The following CCL15 variants were observed in gnomAD, a reference collection of about 807,000 sequenced individuals.
CCL15 encodes C-C motif chemokine ligand 15.
In CCL15, 8 loss-of-function variants were observed where a neutral mutation model predicts 10.6. The observed-to-expected ratio is 0.75, with a 90% CI of 0.44 to 1.36. CCL15 has a LOEUF of 1.36. CCL15 is among the 40% of genes most tolerant of loss of function. The pLI is 0.00. For missense variants in CCL15, 128 were observed against 136.6 expected, an observed-to-expected ratio of 0.94 and a Z score of 0.32; for synonymous variants, 51 against 48.8, an observed-to-expected ratio of 1.04 and a Z score of -0.19.
At chr17:35,998,730 A>G (rs2089949247) in intron 2 of CCL15, 136 bp downstream of exon 2, 1 of 758,276 alleles carries the variant, frequency 1.3e-6, no homozygotes, top group Admixed American at 2.1e-5. Flanking sequence ...CCCTGTCCTG[A>G]TCTCCCTTGG....
chr17:35,999,474 T>C (rs2089962999), intron 1 of CCL15, among the ~76,000 whole-genome samples: 1 of 152,050 alleles, frequency 6.6e-6, no homozygotes, highest in South Asian at 2.1e-4. Flanking sequence ...TTTTTTTTTT[T>C]TTTAATTGAG....
rs192991817 is a variant in CCL15 at position 36,001,275 on chromosome 17, G to A, written c.76+142C>T. 956 of 1,075,628 alleles carry A rather than the reference G, an allele frequency of 8.9e-4. 3 individuals are homozygous for A. Among genetic ancestry groups the A allele is most frequent in the African/African-American group, 3.5e-3 (222 of 63,686 alleles). The allele number at this position is 1,075,628 out of a possible 1,614,324, so 66.6% of individuals were successfully genotyped here. A position where few individuals can be genotyped will look rare whatever the true frequency, so the allele number is the denominator to read the frequency against. On this transcript the variant is annotated intron_variant, in intron 1 of 3. Transcript: ENST00000617897. ...CGCCAGGGTCCAAAGGCTGCAGACAGAGCCAGGTCTATACCCTGCTGGTGC... is the reference window on the plus strand; with the variant it reads ...CGCCAGGGTCCAAAGGCTGCAGACAAAGCCAGGTCTATACCCTGCTGGTGC...
Position 36,000,398 on chromosome 17 carries a change from G to A in CCL15, c.76+1019C>T, listed in dbSNP as rs575941410. The stretch of plus-strand genomic sequence containing the variant: ...TAATTCATTGAACCTGGTAGGCAGA[G>A]CTTTCAGTGATCCGAGATCGCACCA... On this transcript the variant is annotated intron_variant, in intron 1 of 3. Transcript: ENST00000617897. Among the ~76,000 whole-genome samples, 17 of 145,332 alleles carry A rather than the reference G, an allele frequency of 1.2e-4. 1 individual carries two copies. In the South Asian group the frequency reaches 3.3e-3, roughly 28 times the overall value.
At chr17:35,997,954 A>T (rs1568468139) in intron 3 of CCL15, 94 bp from the exon 4 acceptor site, 2 of 827,482 alleles carry the variant, frequency 2.4e-6, no homozygotes, top group Non-Finnish European at 4.1e-6. Flanking sequence ...TTCCCAGTCA[A>T]CACAGCCTGT....
chr17:36,000,878 C>T (rs957179591), intron 1 of CCL15, among the ~76,000 whole-genome samples: 20 of 152,042 alleles, frequency 1.3e-4, no homozygotes, highest in African/African-American at 4.6e-4. Flanking sequence ...CTTGGGGCCC[C>T]GTGTGTCACG....
intron 1 of CCL15, among the ~76,000 whole-genome samples, chr17:35,999,888 A>C (rs1344708960): frequency 6.6e-6 from 1 of 151,860 alleles, no homozygotes; most frequent in Non-Finnish European, 1.5e-5. Context: ...GTGGTGGCTC[A>C]GGCCTGTAAT....
Position 35,997,735 on chromosome 17 carries a change from G to GT in CCL15, c.*31dup. The GT allele has an allele frequency of 7.4e-7, 1 of 1,345,662 alleles. No homozygotes were observed. The highest frequency in any genetic ancestry group is 1.1e-6 in the Non-Finnish European group (1 of 935,478). 83.4% of individuals were successfully genotyped at this position (1,345,662 alleles called of 1,614,324 possible). On this transcript the variant is annotated 3_prime_UTR_variant, in exon 4 of 4. Coordinates refer to ENST00000617897, the MANE Select transcript of CCL15 (RefSeq NM_032965.6). ...AAGAAACTCACAGGAGGTGTTGGAG[G>GT]TGGGTGGCTGGCCTCTTTTGTCTCT... is the stretch of plus-strand genomic sequence containing the variant.
rs1373439795 is a variant in CCL15 at position 35,997,809 on chromosome 17, T to C, written c.300A>G (p.Gly100=). 8 of 1,613,892 alleles carry C rather than the reference T, an allele frequency of 5.0e-6. No homozygotes were observed. The highest frequency in any genetic ancestry group is 6.8e-6 in the Non-Finnish European group (8 of 1,179,956). Residue 100 remains glycine, a synonymous_variant, in exon 4 of 4, where the codon GGA becomes GGG. Coordinates refer to ENST00000617897, the MANE Select transcript of CCL15 (RefSeq NM_032965.6). The part of the protein sequence containing the change: ...RQVCAKPSGP[G]VQDCMKKLKP... The stretch of plus-strand genomic sequence containing the variant: ...TCAGCTTTTTCATGCAATCCTGAAC[T>C]CCCGGACCACTGGGTTTGGCACAGA...
Position 36,001,462 on chromosome 17 carries a change from G to C in CCL15, c.31C>G (p.Leu11Val). The C allele has an allele frequency of 6.2e-7, 1 of 1,613,982 alleles. No individual in the cohort carries two copies. MKVSVAALSC[L>V]MLVAVLGSQA... The stretch of plus-strand genomic sequence containing the variant: ...GATCCAAGGACAGCAACAAGCATGA[G>C]GCAGGAGAGGGCAGCCACGGAGACC... Residue 11 changes from leucine to valine, a missense_variant, in exon 1 of 4, where the codon CTC becomes GTC. Coordinates refer to ENST00000617897, the MANE Select transcript of CCL15 (RefSeq NM_032965.6).
At chr17:36,000,571 CA>C (rs1406222122) in intron 1 of CCL15, among the ~76,000 whole-genome samples, 1 of 151,372 alleles carries the variant, frequency 6.6e-6, no homozygotes, top group Admixed American at 6.6e-5. Context: ...ATATACAAAT[CA>C]AAAAATCCTG....
intron 2 of CCL15, among the ~76,000 whole-genome samples, chr17:35,998,649 T>G (rs886307689): frequency 1.3e-5 from 2 of 152,104 alleles, no homozygotes; most frequent in African/African-American, 4.8e-5. Flanking sequence ...AGCACCTTCT[T>G]CTCCAAAGGA....
chr17:36,001,089 A>G (rs1470757069), intron 1 of CCL15, among the ~76,000 whole-genome samples: 1 of 152,224 alleles, frequency 6.6e-6, no homozygotes, highest in Non-Finnish European at 1.5e-5. Flanking sequence ...TAGCAGTTCT[A>G]GCACCATAAA....
chr17:35,998,162 C>G, intron 3 of CCL15, 118 bp downstream of exon 3: 1 of 689,104 alleles, frequency 1.5e-6, no homozygotes, highest in Non-Finnish European at 2.6e-6. Flanking sequence ...CACAGCTGCC[C>G]TGTATCTGGC....
chr17:35,998,857 A>G lies in CCL15; in HGVS notation c.136+9T>C. On this transcript the variant is annotated intron_variant, in intron 2 of 3. Transcript: ENST00000617897. ...TGCTTTTAAATGTATGCCGTATCTGATCACTTACTGTTCAGAACTACTGGA... is the reference window on the plus strand; with the variant it reads ...TGCTTTTAAATGTATGCCGTATCTGGTCACTTACTGTTCAGAACTACTGGA... 1.1e-5 allele frequency: 18 copies of G among 1,609,836 alleles called. No homozygotes were observed. Among genetic ancestry groups the G allele is most frequent in the Non-Finnish European group, 1.5e-5 (18 of 1,175,980 alleles).
At chr17:35,998,455 A>G in intron 2 of CCL15, 64 bp from the exon 3 acceptor site, 1 of 1,080,414 alleles carries the variant, frequency 9.3e-7, no homozygotes. Flanking sequence ...GTGGAGGGTG[A>G]GAAGGCACAA....
At chr17:36,001,265 G>T in intron 1 of CCL15, 152 bp downstream of exon 1, 1 of 978,536 alleles carries the variant, frequency 1.0e-6, no homozygotes, top group Non-Finnish European at 1.5e-6. Flanking sequence ...GGGTCCAAAG[G>T]CTGCAGACAG....
chr17:36,000,471 A>G (rs2089980986), intron 1 of CCL15, among the ~76,000 whole-genome samples: 1 of 151,894 alleles, frequency 6.6e-6, no homozygotes. Context: ...TCAAAAAAAA[A>G]AAAAAAAAAA....
At chr17:36,001,396 G>A (rs1216164320) in intron 1 of CCL15, 21 bp downstream of exon 1, 1 of 1,614,000 alleles carries the variant, frequency 6.2e-7, no homozygotes. Flanking sequence ...GGTCACCTGG[G>A]AGAAAGCTCA....
chr17:36,000,796 G>T (rs577924872), intron 1 of CCL15, among the ~76,000 whole-genome samples: 2 of 151,628 alleles, frequency 1.3e-5, no homozygotes, highest in Admixed American at 6.6e-5. Context: ...TTCTGGCATA[G>T]GTTGTCCCTT....
Sources: allele counts gnomAD v4.1 joint callset (sites outside exome capture counted in the v4.1 genomes callset), GRCh38; gene constraint gnomAD v4.1.1; transcripts MANE v1.5; gene names NCBI Gene and HGNC (gene_info 2026-07-23, HGNC 2026-07-21).